Variants in NCOR2 observed in about 807,000 individuals in gnomAD.
The protein encoded by NCOR2 is nuclear receptor corepressor 2.
A neutral mutation model predicts 262.9 loss-of-function variants in NCOR2; 81 were observed. That is an observed-to-expected ratio of 0.31 (90% CI 0.26 to 0.37). The LOEUF is 0.37. Ranked by LOEUF, NCOR2 falls within the 10% of genes least tolerant of loss-of-function variation. The pLI, the probability that NCOR2 is intolerant of heterozygous loss-of-function variation, is 1.00. For missense variants in NCOR2, 3,385 were observed against 3,621.4 expected, an observed-to-expected ratio of 0.93 and a Z score of 1.68; for synonymous variants, 1,659 against 1,559.3, an observed-to-expected ratio of 1.06 and a Z score of -1.51.
At chr12:124,413,608 C>T (rs1244350718) in intron 13 of NCOR2, among the ~76,000 whole-genome samples, 1 of 152,122 alleles carries the variant, frequency 6.6e-6, no homozygotes. Context: ...GGGCACCGCG[C>T]CAGGACCACA....
chr12:124,544,219 C>CACA (rs1275955418), intron 1 of NCOR2, among the ~76,000 whole-genome samples: 1 of 152,244 alleles, frequency 6.6e-6, no homozygotes, highest in Non-Finnish European at 1.5e-5. Flanking sequence ...AGAGGAACAT[C>CACA]ACAACACCTG....
At position 124,479,329 on chromosome 12, in the gene NCOR2, C is replaced by T. The variant is rs578162015; in HGVS notation, c.411+4267G>A. ...ATGCACGGACACATGCACACACGTGCGCACACAAACACACATACACACGTG... is the reference window on the plus strand; with the variant it reads ...ATGCACGGACACATGCACACACGTGTGCACACAAACACACATACACACGTG... On this transcript the variant is annotated intron_variant, in intron 3 of 46. Transcript: ENST00000405201. Among the ~76,000 whole-genome samples, 17 of 152,032 alleles carry T rather than the reference C, an allele frequency of 1.1e-4. No individual in the cohort carries two copies. In the South Asian group the frequency reaches 1.9e-3, roughly 17 times the overall value.
At chr12:124,501,410 G>T (rs1209909599) in intron 1 of NCOR2, among the ~76,000 whole-genome samples, 1 of 152,014 alleles carries the variant, frequency 6.6e-6, no homozygotes, top group African/African-American at 2.4e-5. Context: ...ATGGCTTCAA[G>T]CAACAGAAAT....
exon 46 of NCOR2, chr12:124,326,295 G>T: frequency 6.4e-7 from 1 of 1,567,968 alleles, no homozygotes; most frequent in East Asian, 2.4e-5. Context: ...CCGGTCCCCA[G>T]ATGCCAGGCC....
intron 16 of NCOR2, among the ~76,000 whole-genome samples, chr12:124,386,631 G>C (rs1316321093): frequency 1.3e-5 from 2 of 152,176 alleles, no homozygotes; most frequent in South Asian, 2.1e-4. Flanking sequence ...GACCCTCCAG[G>C]AATCGGCAGA....
chr12:124,416,281 A>G (rs2042854831), intron 13 of NCOR2, among the ~76,000 whole-genome samples: 1 of 152,222 alleles, frequency 6.6e-6, no homozygotes, highest in Non-Finnish European at 1.5e-5. Flanking sequence ...AGAGGGTCAC[A>G]TAATCTCCCT....
At position 124,483,012 on chromosome 12, in the gene NCOR2, T is replaced by G. The variant is rs918448836; in HGVS notation, c.411+584A>C. ...CTTTGCGGGACTCTGGAGTCTCCCC[T>G]CCCTGACCCTTAAGAATCCAGAAGC... is the stretch of plus-strand genomic sequence containing the variant. On this transcript the variant is annotated intron_variant, in intron 3 of 46. Transcript: ENST00000405201. The surrounding 1 kb of genome is among the most constrained non-coding windows in gnomAD (Gnocchi z 6.3). Among the ~76,000 whole-genome samples, 2 of 152,114 alleles carry G rather than the reference T, an allele frequency of 1.3e-5. No homozygotes were observed. Among genetic ancestry groups the G allele is most frequent in the South Asian group, 4.2e-4 (2 of 4,814 alleles).
intron 23 of NCOR2, 47 bp from the exon 26 acceptor site, chr12:124,355,618 T>C (rs2037886210): frequency 2.0e-6 from 3 of 1,502,922 alleles, no homozygotes; most frequent in Non-Finnish European, 1.8e-6. Flanking sequence ...AGCGGTCACG[T>C]CCCTGCCGGA....
chr12:124,364,687 C>T lies in NCOR2; in HGVS notation c.2808-888G>A, dbSNP rs116940446. Among the ~76,000 whole-genome samples the T allele has an allele frequency of 8.9e-3, 1,349 of 152,342 alleles. 7 individuals are homozygous for T. Among genetic ancestry groups the T allele is most frequent in the Middle Eastern group, 0.014 (4 of 294 alleles). On this transcript the variant is annotated intron_variant, in intron 20 of 46. Coordinates refer to ENST00000405201, the Ensembl canonical transcript of NCOR2. ...AAGTCCCCAGCACCGGGTATAGCAC[C>T]TGCCATAATCCCCATCTGGCTCCCC...
At chr12:124,442,515 A>G (rs1346052783) in intron 7 of NCOR2, among the ~76,000 whole-genome samples, 1 of 152,032 alleles carries the variant, frequency 6.6e-6, no homozygotes, top group East Asian at 1.9e-4. Flanking sequence ...GTGTGGGGGA[A>G]CTCTGTGGAG....
Position 124,454,491 on chromosome 12 carries a change from G to C in NCOR2, c.762+2615C>G, listed in dbSNP as rs1181109096. Among the ~76,000 whole-genome samples the C allele has an allele frequency of 6.6e-6, 1 of 152,162 alleles. No homozygotes were observed. The highest frequency in any genetic ancestry group is 1.5e-5 in the Non-Finnish European group (1 of 68,028). On this transcript the variant is annotated intron_variant, in intron 6 of 46. Transcript: ENST00000405201. The surrounding 1 kb of genome is among the most constrained non-coding windows in gnomAD (Gnocchi z 5.6). ...AGCTGCCCACCCCCATCTGCCCACA[G>C]ACTCCCACGGACAGGGGCTTCCTCG...
At chr12:124,411,866 A>G (rs1335974043) in intron 13 of NCOR2, among the ~76,000 whole-genome samples, 1 of 151,418 alleles carries the variant, frequency 6.6e-6, no homozygotes, top group Non-Finnish European at 1.5e-5. Flanking sequence ...AGGTTCCGGG[A>G]GGTGGGGGCT....
Position 124,481,526 on chromosome 12 carries a change from G to A in NCOR2, c.411+2070C>T, listed in dbSNP as rs1240871579. 1.3e-5 allele frequency among the ~76,000 whole-genome samples: 2 copies of A among 152,206 alleles called. No homozygotes were observed. The highest frequency in any genetic ancestry group is 6.5e-5 in the Admixed American group (1 of 15,286). On this transcript the variant is annotated intron_variant, in intron 3 of 46. Coordinates refer to ENST00000405201, the Ensembl canonical transcript of NCOR2. The surrounding 1 kb of genome is among the most constrained non-coding windows in gnomAD (Gnocchi z 4.6). ...GCCAGGGCTGGAAGGAGCGAGGAAA[G>A]AGGAATGTGCCTGGGGGAGGGCGCT... is the stretch of plus-strand genomic sequence containing the variant.
intron 12 of NCOR2, 28 bp from the exon 15 acceptor site, chr12:124,420,083 G>C: frequency 7.0e-6 from 11 of 1,575,410 alleles, no homozygotes; most frequent in Non-Finnish European, 9.6e-6. Context: ...AGGACGCTGA[G>C]CAGGGTACAG....
exon 28 of NCOR2, chr12:124,350,733 G>T (rs200297509): frequency 1.2e-6 from 2 of 1,610,668 alleles, no homozygotes; most frequent in Non-Finnish European, 1.7e-6. Flanking sequence ...GTCAGCTGGC[G>T]TGCCCTGCAG....
Position 124,399,893 on chromosome 12 carries a change from G to T in NCOR2, c.1813+608C>A, listed in dbSNP as rs563276310. On this transcript the variant is annotated intron_variant, in intron 15 of 46. Transcript: ENST00000405201. ...TTTTTTTCTACTTTCTGGGAGGGTAGTGAGGGATGAACACCCTTCTCAACA... is the reference window on the plus strand; with the variant it reads ...TTTTTTTCTACTTTCTGGGAGGGTATTGAGGGATGAACACCCTTCTCAACA... 4.6e-5 allele frequency among the ~76,000 whole-genome samples: 7 copies of T among 152,272 alleles called. No homozygotes were observed. In the East Asian group the frequency reaches 1.4e-3, roughly 29 times the overall value.
intron 24 of NCOR2, 29 bp downstream of exon 26, chr12:124,355,403 C>A: frequency 6.2e-7 from 1 of 1,611,184 alleles, no homozygotes; most frequent in South Asian, 1.1e-5. Flanking sequence ...GAAGACTAAG[C>A]CCCCAAGAAA....
At position 124,347,063 on chromosome 12, in the gene NCOR2, T is replaced by C. The variant is rs527263534; in HGVS notation, c.4073-213A>G. Among the ~76,000 whole-genome samples the C allele has an allele frequency of 3.3e-5, 5 of 152,306 alleles. No homozygotes were observed. In the South Asian group the frequency reaches 8.3e-4, roughly 25 times the overall value. On this transcript the variant is annotated intron_variant, in intron 30 of 46. Transcript: ENST00000405201. ...CCACCTCAGCAAGTCGGGAACACTATGAAATCATGAAGCTAAAACCACAGG... is the reference window on the plus strand; with the variant it reads ...CCACCTCAGCAAGTCGGGAACACTACGAAATCATGAAGCTAAAACCACAGG...
intron 1 of NCOR2, among the ~76,000 whole-genome samples, chr12:124,520,584 T>C (rs1419212864): frequency 6.6e-6 from 1 of 152,120 alleles, no homozygotes; most frequent in Non-Finnish European, 1.5e-5. Context: ...TTCCTGTGTC[T>C]TCCCCGCCAG....
Sources: allele counts gnomAD v4.1 joint callset (sites outside exome capture counted in the v4.1 genomes callset), GRCh38; gene constraint gnomAD v4.1.1; non-coding constraint Gnocchi (gnomAD v3.1); transcripts MANE v1.5; gene names NCBI Gene and HGNC (gene_info 2026-07-23, HGNC 2026-07-21).